The following PROKR1 variants were observed in gnomAD, a reference collection of about 807,000 sequenced individuals.
PROKR1 encodes G protein-coupled receptor 73.
A neutral mutation model predicts 22.8 loss-of-function variants in PROKR1; 21 were observed. The ratio of observed to expected loss-of-function variants is 0.92; its 90% CI spans 0.65 to 1.32. The LOEUF is 1.32. PROKR1 is among the 40% of genes most tolerant of loss of function. The probability of loss-of-function intolerance (pLI) is 0.00; values close to 1 mark genes in which losing one functional copy is unlikely to be tolerated. For synonymous variants in PROKR1, 193 were observed against 207.5 expected (o/e 0.93, Z 0.60); for missense variants, 548 against 514.2 (o/e 1.07, Z -0.64).
At chr2:68,649,926 A>G (rs141922422) in intron 2 of PROKR1, among the ~76,000 whole-genome samples, 1 of 152,144 alleles carries the variant, frequency 6.6e-6, no homozygotes, top group Non-Finnish European at 1.5e-5. Flanking sequence ...AGCCAAATTA[A>G]TCTTCTGTCT....
chr2:68,655,993 T>C lies in PROKR1; in HGVS notation c.*417T>C. The C allele has an allele frequency of 3.7e-6, 1 of 271,556 alleles. No individual in the cohort carries two copies. Among genetic ancestry groups the C allele is most frequent in the Non-Finnish European group, 7.1e-6 (1 of 139,926 alleles). The allele number at this position is 271,556 out of a possible 1,614,324, so 16.8% of individuals were successfully genotyped here. On this transcript the variant is annotated 3_prime_UTR_variant, in exon 3 of 3. Coordinates refer to ENST00000303786, the MANE Select transcript of PROKR1 (RefSeq NM_138964.4). ...GGGACTATTCTTGCACTGGACTTCA[T>C]GCCTAACATTTGCAAGGCTGGAGCA...
chr2:68,649,728 G>T (rs929793805), intron 2 of PROKR1: 2 of 152,126 alleles, frequency 1.3e-5, no homozygotes, highest in Non-Finnish European at 2.9e-5. Flanking sequence ...TCCGAGGAGA[G>T]GCCTTTGAAC....
At position 68,656,989 on chromosome 2, in the gene PROKR1, A is replaced by C. The variant is rs914358220; in HGVS notation, c.*1413A>C. On this transcript the variant is annotated 3_prime_UTR_variant, in exon 3 of 3. Coordinates refer to ENST00000303786, the MANE Select transcript of PROKR1 (RefSeq NM_138964.4). Reference sequence around the variant, plus strand: ...TGACCCCATAGGTTGTTGAAGACTCATCCCACTTTCTAACCTGCCTCCTTT... The same window carrying C: ...TGACCCCATAGGTTGTTGAAGACTCCTCCCACTTTCTAACCTGCCTCCTTT... 2.4e-4 allele frequency: 36 copies of C among 152,238 alleles called. No individual in the cohort carries two copies. Among genetic ancestry groups the C allele is most frequent in the African/African-American group, 8.7e-4 (36 of 41,448 alleles). The allele number at this position is 152,238 out of a possible 1,614,324, so 9.4% of individuals were successfully genotyped here. A position where few individuals can be genotyped will look rare whatever the true frequency, so the allele number is the denominator to read the frequency against.
chr2:68,646,129 A>G lies in PROKR1; in HGVS notation c.308A>G (p.Asn103Ser). The G allele has an allele frequency of 2.5e-6, 4 of 1,611,172 alleles. No homozygotes were observed. The highest frequency in any genetic ancestry group is 1.1e-5 in the South Asian group (1 of 90,754). The change falls in exon 2 of 3, where the codon AAC (asparagine) becomes AGC (serine). Residue 103 changes from asparagine (N) to serine (S), a missense_variant. Asn to Ser is a conservative substitution (Grantham distance 46, BLOSUM62 1). Transcript: ENST00000303786. ...LRNLTNLLIA[N>S]LAISDFLVAI... ...AACCTCACCAACCTGCTCATCGCCA[A>G]CCTGGCCATCTCTGACTTCCTGGTG... is the stretch of plus-strand genomic sequence containing the variant.
At chr2:68,649,859 C>T (rs2104186204) in intron 2 of PROKR1, among the ~76,000 whole-genome samples, 1 of 152,198 alleles carries the variant, frequency 6.6e-6, no homozygotes, top group Non-Finnish European at 1.5e-5. Flanking sequence ...ATGGGTTCTA[C>T]AAACAGAGGA....
Position 68,654,912 on chromosome 2 carries a change from G to A in PROKR1, c.518G>A (p.Arg173Gln), listed in dbSNP as rs752794253. ...GCTATTGTCCATCCGCTGAGACCAC[G>A]GATGAAGTGCCAAACAGCCACTGGC... ...YLAIVHPLRP[R>Q]MKCQTATGLI... Residue 173 changes from arginine to glutamine, a missense_variant, in exon 3 of 3, where the codon CGG becomes CAG. By Grantham distance (43) the Arg-to-Gln change is conservative. Transcript: ENST00000303786. The A allele has an allele frequency of 1.1e-5, 17 of 1,613,500 alleles. No homozygotes were observed. The highest frequency in any genetic ancestry group is 1.0e-4 in the Admixed American group (6 of 59,962).
chr2:68,646,947 C>G (rs1673191448), intron 2 of PROKR1, among the ~76,000 whole-genome samples: 1 of 152,054 alleles, frequency 6.6e-6, no homozygotes, highest in South Asian at 2.1e-4. Context: ...AGTTGAGAGG[C>G]TGAGGCAGGA....
chr2:68,655,612 G>A lies in PROKR1; in HGVS notation c.*36G>A, dbSNP rs746536989. The A allele has an allele frequency of 6.3e-7, 1 of 1,585,478 alleles. No individual in the cohort carries two copies. Among genetic ancestry groups the A allele is most frequent in the Non-Finnish European group, 8.6e-7 (1 of 1,158,534 alleles). ...TTTGCAAAGTTTAAACACAAAGCAG[G>A]GTCCTGTGGACACTGACTAGTGTGC... On this transcript the variant is annotated 3_prime_UTR_variant, in exon 3 of 3. Transcript: ENST00000303786.
At chr2:68,653,174 G>A (rs1026784974) in intron 2 of PROKR1, among the ~76,000 whole-genome samples, 19 of 152,214 alleles carry the variant, frequency 1.2e-4, no homozygotes, top group African/African-American at 4.6e-4. Context: ...CCACACTCGT[G>A]CATTGACAAT....
intron 2 of PROKR1, 51 bp from the exon 3 acceptor site, chr2:68,654,829 T>C (rs756228236): frequency 3.2e-6 from 4 of 1,244,840 alleles, no homozygotes; most frequent in East Asian, 4.7e-5. Flanking sequence ...AAAAAGATTA[T>C]CCAGCACTTC....
Position 68,656,568 on chromosome 2 carries a change from T to C in PROKR1, c.*992T>C, listed in dbSNP as rs1273695864. 6.6e-6 allele frequency: 1 copy of C among 152,210 alleles called. No homozygotes were observed. The highest frequency in any genetic ancestry group is 6.5e-5 in the Admixed American group (1 of 15,278). The allele number at this position is 152,210 out of a possible 1,614,324, so 9.4% of individuals were successfully genotyped here. ...CTCACGCCTCCATGCTTGTGAAGCATAGAATCTTTGAAAATGGACACAATA... is the reference window on the plus strand; with the variant it reads ...CTCACGCCTCCATGCTTGTGAAGCACAGAATCTTTGAAAATGGACACAATA... On this transcript the variant is annotated 3_prime_UTR_variant, in exon 3 of 3. Transcript: ENST00000303786.
intron 2 of PROKR1, among the ~76,000 whole-genome samples, chr2:68,647,571 T>TAG (rs1350845889): frequency 2.0e-5 from 3 of 152,122 alleles, no homozygotes; most frequent in Non-Finnish European, 4.4e-5. Flanking sequence ...GAGAGCTTGT[T>TAG]TTCTGAGACC....
intron 1 of PROKR1, among the ~76,000 whole-genome samples, chr2:68,644,359 C>G (rs1240389722): frequency 6.6e-6 from 1 of 152,180 alleles, no homozygotes; most frequent in Non-Finnish European, 1.5e-5. Context: ...AGCCTGCCCC[C>G]CTCCTTCTTT....
intron 2 of PROKR1, 60 bp downstream of exon 2, chr2:68,646,366 G>GC (rs751875546): frequency 1.8e-5 from 29 of 1,596,624 alleles, no homozygotes; most frequent in South Asian, 1.7e-4. Context: ...CATTGGAATT[G>GC]CCCCCTCCTG....
intron 1 of PROKR1, 149 bp from the exon 2 acceptor site, chr2:68,645,513 T>G (rs1354700106): frequency 6.7e-6 from 3 of 449,582 alleles, no homozygotes; most frequent in Admixed American, 3.5e-5. Context: ...TTTTCATTCA[T>G]TTTCTCTCAT....
chr2:68,653,572 G>A (rs985960219), intron 2 of PROKR1, among the ~76,000 whole-genome samples: 2 of 152,176 alleles, frequency 1.3e-5, no homozygotes, highest in African/African-American at 4.8e-5. Context: ...CCTGGAATAA[G>A]TTCTGGACAC....
chr2:68,648,060 A>G (rs118184200), intron 2 of PROKR1, among the ~76,000 whole-genome samples: 1 of 152,308 alleles, frequency 6.6e-6, no homozygotes, highest in East Asian at 1.9e-4. Context: ...AGGACAAAGC[A>G]TACAGAGTCA....
intron 2 of PROKR1, among the ~76,000 whole-genome samples, chr2:68,649,158 T>C (rs1673252134): frequency 6.6e-6 from 1 of 152,230 alleles, no homozygotes; most frequent in Non-Finnish European, 1.5e-5. Context: ...TACAAGATTT[T>C]TACAAAATGC....
In PROKR1 at chr2:68,655,470, T is replaced by C. The variant is rs375582560; in HGVS notation, c.1076T>C (p.Leu359Pro). 1 of 1,614,084 alleles carries C rather than the reference T, an allele frequency of 6.2e-7. No homozygotes were observed. Among genetic ancestry groups the C allele is most frequent in the African/African-American group, 1.3e-5 (1 of 75,048 alleles). The change falls in exon 3 of 3, where the codon CTC becomes CCC. Residue 359 changes from leucine to proline, a missense_variant. Transcript: ENST00000303786. ...TVKYFKKIML[L>P]HWKASYNGGK... ...AAGTACTTCAAAAAGATCATGTTGC[T>C]CCACTGGAAGGCTTCTTACAATGGC... is the stretch of plus-strand genomic sequence containing the variant.
Sources: gnomAD v4.1 joint callset for allele counts (sites outside exome capture counted in the v4.1 genomes callset) on GRCh38, gnomAD v4.1.1 for gene constraint, MANE v1.5 for transcripts, NCBI Gene and HGNC (gene_info 2026-07-23, HGNC 2026-07-21) for gene names.